Variants in SUMF1 observed in about 807,000 individuals in gnomAD.
SUMF1 encodes the protein sulfatase modifying factor 1, also known as formylglycine-generating enzyme.
Under a neutral mutation model 47.6 loss-of-function variants are expected in SUMF1, and 48 were observed. The ratio of observed to expected loss-of-function variants is 1.01; its 90% CI spans 0.80 to 1.28. The LOEUF (loss-of-function observed/expected upper bound fraction) is 1.28. SUMF1 is among the 50% of genes most tolerant of loss of function. The pLI is 0.00. For synonymous variants in SUMF1, 230 were observed against 192.1 expected (o/e 1.20, Z -1.63); for missense variants, 571 against 485.4 (o/e 1.18, Z -1.66).
chr3:4,075,779 A>G (rs759098541), intron 8 of SUMF1, among the ~76,000 whole-genome samples: 5 of 152,226 alleles, frequency 3.3e-5, no homozygotes, highest in African/African-American at 1.2e-4. Flanking sequence ...TCCAACTTAC[A>G]AGGAATGTGA....
intron 8 of SUMF1, among the ~76,000 whole-genome samples, chr3:4,337,014 C>T (rs960383759): frequency 6.6e-6 from 1 of 152,146 alleles, no homozygotes; most frequent in Non-Finnish European, 1.5e-5. Flanking sequence ...CATGCTCTTA[C>T]CCTTGCCTTC....
At chr3:4,111,221 C>G (rs1693298758) in intron 8 of SUMF1, among the ~76,000 whole-genome samples, 1 of 151,834 alleles carries the variant, frequency 6.6e-6, no homozygotes, top group Non-Finnish European at 1.5e-5. Context: ...AAATTTGGCC[C>G]TCCATATACT....
intron 9 of SUMF1, among the ~76,000 whole-genome samples, chr3:4,060,047 A>T (rs1695252216): frequency 6.6e-6 from 1 of 152,158 alleles, no homozygotes; most frequent in Admixed American, 6.5e-5. Context: ...TGCCAAGTGG[A>T]GGATTTAGGT....
intron 1 of SUMF1, among the ~76,000 whole-genome samples, chr3:4,465,214 C>T (rs566559149): frequency 6.6e-6 from 1 of 152,272 alleles, no homozygotes; most frequent in South Asian, 2.1e-4. Context: ...CGGTGGCTCA[C>T]GTTTGTAATC....
chr3:4,095,826 G>A (rs905476737), intron 8 of SUMF1, among the ~76,000 whole-genome samples: 3 of 152,076 alleles, frequency 2.0e-5, no homozygotes, highest in African/African-American at 7.2e-5. Context: ...ATTATTTCTT[G>A]TTTACAGCTA....
chr3:4,162,270 G>A (rs1183811199), intron 8 of SUMF1, among the ~76,000 whole-genome samples: 1 of 152,182 alleles, frequency 6.6e-6, no homozygotes, highest in African/African-American at 2.4e-5. Context: ...TGCGCTACCT[G>A]AGGTTGGGGG....
intron 8 of SUMF1, chr3:4,313,313 A>T (rs775180741): frequency 6.2e-7 from 1 of 1,613,950 alleles, no homozygotes; most frequent in South Asian, 1.1e-5. Context: ...TCCGACTCCA[A>T]TTACATTATA....
At position 4,376,205 on chromosome 3, in the gene SUMF1, G is replaced by A. The variant is rs1032551283; in HGVS notation, c.1014+125C>T. 5 of 1,137,778 alleles carry A rather than the reference G, an allele frequency of 4.4e-6. No individual in the cohort carries two copies. In the African/African-American group the frequency reaches 7.8e-5, roughly 18 times the overall value. 70.5% of individuals were successfully genotyped at this position (1,137,778 alleles called of 1,614,324 possible). A position where few individuals can be genotyped will look rare whatever the true frequency, so the allele number is the denominator to read the frequency against. On this transcript the variant is annotated intron_variant, in intron 8 of 8. Coordinates refer to ENST00000272902, the MANE Select transcript of SUMF1 (RefSeq NM_182760.4). ...GAGATGACTGTCCTCCTTTTTTTCT[G>A]GTTTCAGTGGGGTTAGGTAGGCATT... is the stretch of plus-strand genomic sequence containing the variant.
At chr3:4,297,820 T>G (rs1008361563) in intron 8 of SUMF1, among the ~76,000 whole-genome samples, 1 of 152,166 alleles carries the variant, frequency 6.6e-6, no homozygotes, top group African/African-American at 2.4e-5. Flanking sequence ...CCCAGAATAT[T>G]AAGCTCAGAT....
intron 8 of SUMF1, among the ~76,000 whole-genome samples, chr3:4,172,246 C>A (rs985278449): frequency 1.3e-5 from 2 of 152,086 alleles, no homozygotes; most frequent in African/African-American, 4.8e-5. Flanking sequence ...AGATGACTCC[C>A]AGATTTCCGT....
intron 8 of SUMF1, among the ~76,000 whole-genome samples, chr3:4,116,363 A>G (rs959532772): frequency 6.6e-6 from 1 of 152,152 alleles, no homozygotes; most frequent in Non-Finnish European, 1.5e-5. Context: ...ATTGCGCAGA[A>G]TAAGCAATTT....
intron 8 of SUMF1, among the ~76,000 whole-genome samples, chr3:4,293,370 T>C (rs868284837): frequency 2.0e-5 from 3 of 152,206 alleles, no homozygotes; most frequent in African/African-American, 2.4e-5. Flanking sequence ...GTTTTGGAGT[T>C]CAAAGAGCCA....
At chr3:4,071,074 GTA>G (rs923797937) in intron 8 of SUMF1, among the ~76,000 whole-genome samples, 2 of 151,824 alleles carry the variant, frequency 1.3e-5, no homozygotes, top group East Asian at 1.9e-4. Context: ...ATATATATTT[GTA>G]TATATATATG....
rs1420271588 is a variant in SUMF1, at chr3:4,466,965, C to G, written c.270+11G>C. 3 of 1,604,788 alleles carry G rather than the reference C, an allele frequency of 1.9e-6. No homozygotes were observed. The highest frequency in any genetic ancestry group is 2.2e-5 in the South Asian group (2 of 89,702). ...CAGCCCCCACCCGCCTCGGAGGAAT[C>G]GATGGAGCACCTTTGAGTGCGCGAG... On this transcript the variant is annotated intron_variant, in intron 1 of 8. Coordinates refer to ENST00000272902, the MANE Select transcript of SUMF1 (RefSeq NM_182760.4).
At chr3:4,357,811 T>C (rs1049774261), downstream of SUMF1, among the ~76,000 whole-genome samples, 4 of 152,004 alleles carry the variant, frequency 2.6e-5, no homozygotes, top group Non-Finnish European at 4.4e-5. Context: ...TTTCACCATG[T>C]TGGCCAGGTT....
At chr3:4,380,609 A>G (rs560631869) in intron 7 of SUMF1, among the ~76,000 whole-genome samples, 49 of 152,328 alleles carry the variant, frequency 3.2e-4, no homozygotes, top group African/African-American at 1.1e-3. Flanking sequence ...GTCTCAGTGG[A>G]AAAACATATG....
chr3:4,216,115 G>A (rs530067643), intron 8 of SUMF1, among the ~76,000 whole-genome samples: 2 of 152,142 alleles, frequency 1.3e-5, no homozygotes, highest in African/African-American at 4.8e-5. Flanking sequence ...AAAGCTGGAG[G>A]CATCATGTTG....
intron 8 of SUMF1, among the ~76,000 whole-genome samples, chr3:4,123,368 G>A (rs928499343): frequency 6.6e-6 from 1 of 152,118 alleles, no homozygotes; most frequent in Non-Finnish European, 1.5e-5. Flanking sequence ...TGCACACAGT[G>A]AACACTTAAC....
chr3:4,248,294 C>T (rs983755113), intron 8 of SUMF1, among the ~76,000 whole-genome samples: 5 of 152,116 alleles, frequency 3.3e-5, no homozygotes, highest in African/African-American at 1.2e-4. Context: ...ATGAAAGGAA[C>T]TTGTTTTAAC....
Sources: allele counts gnomAD v4.1 joint callset (sites outside exome capture counted in the v4.1 genomes callset), GRCh38; gene constraint gnomAD v4.1.1; transcripts MANE v1.5; gene names NCBI Gene and HGNC (gene_info 2026-07-23, HGNC 2026-07-21).